Variants in MYO1B observed in about 807,000 individuals in gnomAD.
MYO1B encodes the protein unconventional myosin-Ib.
In MYO1B, 72 loss-of-function variants were observed where a neutral mutation model predicts 159.7. That is an observed-to-expected ratio of 0.45 (90% confidence interval 0.37 to 0.55). The LOEUF is 0.55. Ranked by LOEUF, MYO1B falls within the 20% of genes least tolerant of loss-of-function variation. MYO1B has a pLI of 0.00. For synonymous variants in MYO1B, 468 were observed against 473.8 expected, an observed-to-expected ratio of 0.99 and a Z score of 0.16; for missense variants, 1,062 against 1,364.8, an observed-to-expected ratio of 0.78 and a Z score of 3.50.
At chr2:191,351,552 C>T (rs1384778674) in intron 7 of MYO1B, among the ~76,000 whole-genome samples, 1 of 152,090 alleles carries the variant, frequency 6.6e-6, no homozygotes, top group Non-Finnish European at 1.5e-5. Flanking sequence ...TGGATGAATT[C>T]CATGGTTCTT....
In MYO1B at chr2:191,415,833, G is replaced by T. The variant is rs193139543; in HGVS notation, c.3160-282G>T. On this transcript the variant is annotated intron_variant, in intron 29 of 30. Transcript: ENST00000392318. ...GTGGTTTCATATTCACTGGGGCTGT[G>T]GTAGGGCCTGAGATTCTGCTTTTCT... 2.1e-4 allele frequency among the ~76,000 whole-genome samples: 32 copies of T among 152,300 alleles called. No homozygotes were observed. In the East Asian group the frequency reaches 5.8e-3, roughly 28 times the overall value.
chr2:191,339,303 T>C (rs960095644), intron 4 of MYO1B, among the ~76,000 whole-genome samples: 6 of 152,214 alleles, frequency 3.9e-5, no homozygotes, highest in African/African-American at 1.4e-4. Context: ...GAGGGCAATG[T>C]GGCCCCCAGG....
chr2:191,297,957 G>A (rs1170704266), intron 3 of MYO1B, among the ~76,000 whole-genome samples: 1 of 152,188 alleles, frequency 6.6e-6, no homozygotes, highest in Non-Finnish European at 1.5e-5. Flanking sequence ...TGCCAAGGTT[G>A]AGAAACCCTG....
At chr2:191,385,305 CAG>C (rs941928944) in intron 15 of MYO1B, among the ~76,000 whole-genome samples, 1 of 152,182 alleles carries the variant, frequency 6.6e-6, no homozygotes, top group Admixed American at 6.5e-5. Flanking sequence ...CTATATGAAA[CAG>C]ATATTCTTGA....
At chr2:191,378,464 G>A (rs1407795667) in intron 13 of MYO1B, among the ~76,000 whole-genome samples, 1 of 152,112 alleles carries the variant, frequency 6.6e-6, no homozygotes, top group Non-Finnish European at 1.5e-5. Flanking sequence ...ATCTCACAAA[G>A]AACCTTCTTA....
chr2:191,397,695 A>G (rs1395441800), intron 21 of MYO1B, among the ~76,000 whole-genome samples: 59 of 143,692 alleles, frequency 4.1e-4, no homozygotes, highest in African/African-American at 1.3e-3. Context: ...CCCATCCCCA[A>G]TGAGCCGCTG....
At chr2:191,278,328 C>T (rs1687866062) in intron 2 of MYO1B, among the ~76,000 whole-genome samples, 1 of 152,214 alleles carries the variant, frequency 6.6e-6, no homozygotes, top group South Asian at 2.1e-4. Context: ...GAGCTCTGTC[C>T]TTATGACCTA....
intron 1 of MYO1B, among the ~76,000 whole-genome samples, chr2:191,266,089 G>A (rs556978990): frequency 1.3e-5 from 2 of 152,126 alleles, no homozygotes; most frequent in African/African-American, 2.4e-5. Context: ...AGCTTCCTCC[G>A]GGAAATGACT....
intron 7 of MYO1B, 107 bp downstream of exon 7, chr2:191,350,332 C>T: frequency 1.4e-6 from 1 of 717,592 alleles, no homozygotes; most frequent in Non-Finnish European, 2.3e-6. Context: ...GAATATGTTT[C>T]CTTGCTTTAT....
At chr2:191,299,604 T>G (rs1211263150) in intron 3 of MYO1B, among the ~76,000 whole-genome samples, 3 of 152,212 alleles carry the variant, frequency 2.0e-5, no homozygotes, top group Non-Finnish European at 2.9e-5. Flanking sequence ...ATCCGTTGCT[T>G]TTGCCACATT....
chr2:191,304,318 C>T (rs139592407), intron 3 of MYO1B, among the ~76,000 whole-genome samples: 77 of 152,302 alleles, frequency 5.1e-4, no homozygotes, highest in African/African-American at 1.7e-3. Context: ...CGCCTGTAAT[C>T]GCAGCACTTT....
chr2:191,358,884 C>T (rs1693475532), intron 7 of MYO1B, among the ~76,000 whole-genome samples: 1 of 152,226 alleles, frequency 6.6e-6, no homozygotes, highest in South Asian at 2.1e-4. Flanking sequence ...ATCACGTGTC[C>T]AGCTGGTGCT....
At chr2:191,344,829 CAAAAA>C (rs10646926) in intron 5 of MYO1B, among the ~76,000 whole-genome samples, 1 of 56,156 alleles carries the variant, frequency 1.8e-5, no homozygotes, top group East Asian at 6.2e-4. Context: ...GACTCCGTCT[CAAAAA>C]AAAAAAAAAA....
rs775403307 is a variant in MYO1B at position 191,328,083 on chromosome 2, G to A, written c.252-1852G>A. On this transcript the variant is annotated intron_variant, in intron 3 of 30. Coordinates refer to ENST00000392318, the MANE Select transcript of MYO1B (RefSeq NM_001130158.3). ...TGGGTTCAAGTTATGACTCTTCTGAGAATGGGATCATGGGCTTCTCATGTC... is the reference window on the plus strand; with the variant it reads ...TGGGTTCAAGTTATGACTCTTCTGAAAATGGGATCATGGGCTTCTCATGTC... Among the ~76,000 whole-genome samples the A allele has an allele frequency of 4.2e-4, 64 of 152,210 alleles. 1 individual carries two copies. The highest frequency in any genetic ancestry group is 9.2e-4 in the Admixed American group (14 of 15,274).
rs932307406 is a variant in MYO1B, at chr2:191,363,776, T to C, written c.814T>C (p.Leu272=). 2 of 1,614,024 alleles carry C rather than the reference T, an allele frequency of 1.2e-6. No individual in the cohort carries two copies. The highest frequency in any genetic ancestry group is 2.2e-5 in the East Asian group (1 of 44,872). Residue 272 remains leucine (L), a synonymous_variant, in exon 10 of 31, where the codon TTG becomes CTG. Coordinates refer to ENST00000392318, the MANE Select transcript of MYO1B (RefSeq NM_001130158.3). ...GFMDHEAESV[L]AVVAAVLKLG... is the part of the protein sequence containing the mutation. ...TATGGATCATGAAGCTGAGTCTGTCTTGGCGGTGGTGGCAGCAGTGTTGAA... is the reference window on the plus strand; with the variant it reads ...TATGGATCATGAAGCTGAGTCTGTCCTGGCGGTGGTGGCAGCAGTGTTGAA...
At chr2:191,377,856 C>T (rs1694804655) in intron 13 of MYO1B, 1 of 152,154 alleles carries the variant, frequency 6.6e-6, no homozygotes, top group Non-Finnish European at 1.5e-5. Flanking sequence ...GTGTCTTTAG[C>T]CTTCACTTTG....
intron 3 of MYO1B, among the ~76,000 whole-genome samples, chr2:191,302,090 C>T (rs1018120612): frequency 6.6e-6 from 1 of 152,224 alleles, no homozygotes; most frequent in Admixed American, 6.5e-5. Flanking sequence ...ATACCCTGTA[C>T]CTTATCTCCA....
intron 21 of MYO1B, among the ~76,000 whole-genome samples, chr2:191,399,814 C>A (rs1379746472): frequency 6.6e-6 from 1 of 152,164 alleles, no homozygotes; most frequent in African/African-American, 2.4e-5. Context: ...ATGGCTGGAC[C>A]TTGGGGCCCC....
In MYO1B at chr2:191,341,536, A is replaced by T. The variant is rs1411246279; in HGVS notation, c.422A>T (p.Gln141Leu). 1 of 1,614,024 alleles carries T rather than the reference A, an allele frequency of 6.2e-7. No individual in the cohort carries two copies. Among genetic ancestry groups the T allele is most frequent in the South Asian group, 1.1e-5 (1 of 91,042 alleles). Residue 141 changes from glutamine (Q) to leucine (L), a missense_variant, in exon 5 of 31, where the codon CAG becomes CTG. Physicochemically the swap from Gln to Leu is moderately radical, Grantham distance 113 (BLOSUM62 -2). Transcript: ENST00000392318. ...GCAGAAGTTAATCAAGTTAAAGAAC[A>T]GCTTTTACAGTCCAACCCGGTCCTG... ...KGAEVNQVKE[Q>L]LLQSNPVLEA... is the part of the protein sequence containing the mutation.
Sources: allele counts gnomAD v4.1 joint callset (sites outside exome capture counted in the v4.1 genomes callset), GRCh38; gene constraint gnomAD v4.1.1; transcripts MANE v1.5; gene names NCBI Gene and HGNC (gene_info 2026-07-23, HGNC 2026-07-21).